CORIN: variants seen among roughly 807,000 people sequenced by gnomAD.
CORIN encodes the protein atrial natriuretic peptide-converting enzyme.
A neutral mutation model predicts 125.3 loss-of-function variants in CORIN; 117 were observed. That is an observed-to-expected ratio of 0.93 (90% CI 0.80 to 1.09). The LOEUF (loss-of-function observed/expected upper bound fraction) is 1.09. Among genes scored for constraint, CORIN ranks in the 50% least tolerant of loss-of-function variants. CORIN has a pLI of 0.00. For missense variants in CORIN, 1,253 were observed against 1,306.7 expected (o/e 0.96, Z 0.63); for synonymous variants, 450 against 466.4 (o/e 0.96, Z 0.45).
chr4:47,710,272 C>T (rs1054833423), intron 5 of CORIN, among the ~76,000 whole-genome samples: 5 of 152,172 alleles, frequency 3.3e-5, no homozygotes, highest in Non-Finnish European at 7.3e-5. Flanking sequence ...GTGAAAATAA[C>T]GTTCTTTTCC....
chr4:47,829,884 A>G (rs1196056933), intron 1 of CORIN, among the ~76,000 whole-genome samples: 3 of 152,346 alleles, frequency 2.0e-5, no homozygotes, highest in African/African-American at 7.2e-5. Context: ...AAATAGTCCA[A>G]CTACCTCATT....
At chr4:47,820,358 G>A (rs1732456508) in intron 1 of CORIN, among the ~76,000 whole-genome samples, 1 of 152,026 alleles carries the variant, frequency 6.6e-6, no homozygotes, top group East Asian at 1.9e-4. Context: ...CCTGAGAAAA[G>A]GCCTAGGTTA....
intron 1 of CORIN, among the ~76,000 whole-genome samples, chr4:47,816,430 A>T (rs1395607716): frequency 6.6e-6 from 1 of 152,194 alleles, no homozygotes; most frequent in African/African-American, 2.4e-5. Context: ...TTTATTCCAC[A>T]AATGCTTATG....
rs1448021710 is a variant in CORIN, at chr4:47,599,264, GC to G, written c.2946+949del. ...GTGGTCTCAGCGAAATGCCAAGGGA[GC>G]TGTCTGCCTCCCTCTTTCCCATGAC... is the stretch of plus-strand genomic sequence containing the variant. On this transcript the variant is annotated intron_variant, in intron 21 of 21. Transcript: ENST00000273857. Among the ~76,000 whole-genome samples, 180 of 152,202 alleles carry G rather than the reference GC, an allele frequency of 1.2e-3. 1 individual carries two copies. The highest frequency in any genetic ancestry group is 2.1e-3 in the Non-Finnish European group (144 of 68,018).
intron 2 of CORIN, among the ~76,000 whole-genome samples, chr4:47,804,151 T>C (rs1731664645): frequency 6.6e-6 from 1 of 152,076 alleles, no homozygotes; most frequent in Non-Finnish European, 1.5e-5. Flanking sequence ...AAAACTACAA[T>C]GAGATATTAC....
At chr4:47,649,596 A>G (rs949267674) in intron 13 of CORIN, among the ~76,000 whole-genome samples, 1 of 152,182 alleles carries the variant, frequency 6.6e-6, no homozygotes, top group African/African-American at 2.4e-5. Context: ...TCTGCATCTT[A>G]CCCAGAGAAG....
At chr4:47,793,032 G>A (rs1272382697) in intron 2 of CORIN, among the ~76,000 whole-genome samples, 1 of 152,048 alleles carries the variant, frequency 6.6e-6, no homozygotes, top group African/African-American at 2.4e-5. Flanking sequence ...GAAGCCTGTT[G>A]TTGTTGTTGT....
At chr4:47,643,064 A>G (rs1292869435) in intron 15 of CORIN, 82 bp downstream of exon 15, 6 of 1,605,478 alleles carry the variant, frequency 3.7e-6, no homozygotes, top group South Asian at 3.3e-5. Context: ...AGTAAAATCC[A>G]GGAAGTAATT....
intron 2 of CORIN, among the ~76,000 whole-genome samples, chr4:47,799,564 T>C (rs934103764): frequency 1.3e-5 from 2 of 152,196 alleles, no homozygotes; most frequent in Non-Finnish European, 2.9e-5. Context: ...ATGTTTATTT[T>C]GAGAAGCATC....
chr4:47,799,143 G>GTA (rs1298818662), intron 2 of CORIN, among the ~76,000 whole-genome samples: 16 of 151,030 alleles, frequency 1.1e-4, no homozygotes, highest in Non-Finnish European at 2.1e-4. Context: ...GTGTGTGTGT[G>GTA]TGTATGTCTC....
intron 16 of CORIN, 111 bp downstream of exon 16, chr4:47,641,809 G>C (rs1410140783): frequency 7.7e-7 from 1 of 1,301,436 alleles, no homozygotes; most frequent in Non-Finnish European, 1.1e-6. Context: ...GGTTTTGAAG[G>C]ACTCTTTGTT....
At chr4:47,777,918 G>C (rs1730369564) in intron 3 of CORIN, among the ~76,000 whole-genome samples, 1 of 152,144 alleles carries the variant, frequency 6.6e-6, no homozygotes, top group Non-Finnish European at 1.5e-5. Context: ...TCAACAAATT[G>C]AATAATTCAG....
At chr4:47,683,541 G>C (rs1364712945) in intron 7 of CORIN, 190 bp downstream of exon 7, 2 of 465,016 alleles carry the variant, frequency 4.3e-6, no homozygotes, top group East Asian at 3.5e-5. Context: ...TGATTTTTTA[G>C]GTATTACATT....
rs545305131 is a variant in CORIN at position 47,779,189 on chromosome 4, G to A, written c.409+7536C>T. On this transcript the variant is annotated intron_variant, in intron 3 of 21. Transcript: ENST00000273857. The stretch of plus-strand genomic sequence containing the variant: ...TATTATAAAATAATGGTTATAGGTC[G>A]AGCACAGAGGCTCACGCCTGTATTC... Among the ~76,000 whole-genome samples the A allele has an allele frequency of 4.6e-5, 7 of 152,254 alleles. No homozygotes were observed. The South Asian group carries it at 8.3e-4, about 18-fold the overall frequency.
intron 1 of CORIN, among the ~76,000 whole-genome samples, chr4:47,810,097 AT>A (rs1732001440): frequency 6.6e-6 from 1 of 152,074 alleles, no homozygotes; most frequent in Non-Finnish European, 1.5e-5. Context: ...ACCTGCACAT[AT>A]TTGTAAAGCA....
At chr4:47,725,516 T>C (rs1328049302) in intron 5 of CORIN, among the ~76,000 whole-genome samples, 1 of 151,978 alleles carries the variant, frequency 6.6e-6, no homozygotes, top group African/African-American at 2.4e-5. Flanking sequence ...AGCAATTTAA[T>C]AGGAGAAATA....
At chr4:47,827,921 C>T (rs993805942) in intron 1 of CORIN, among the ~76,000 whole-genome samples, 2 of 152,092 alleles carry the variant, frequency 1.3e-5, no homozygotes, top group Non-Finnish European at 1.5e-5. Context: ...GTAAGATGTT[C>T]GGATCTGACC....
chr4:47,820,993 T>C (rs1732485402), intron 1 of CORIN, among the ~76,000 whole-genome samples: 1 of 152,176 alleles, frequency 6.6e-6, no homozygotes, highest in Non-Finnish European at 1.5e-5. Context: ...TCCCAGCTCT[T>C]TGGGAGGATG....
At chr4:47,782,387 G>GAAAAA (rs1265689215) in intron 3 of CORIN, among the ~76,000 whole-genome samples, 2 of 61,544 alleles carry the variant, frequency 3.2e-5, no homozygotes, top group Admixed American at 1.7e-4. Flanking sequence ...TCCATCTCAA[G>GAAAAA]AAAAAAAAAA....
Sources: gnomAD v4.1 joint callset for allele counts (sites outside exome capture counted in the v4.1 genomes callset) on GRCh38, gnomAD v4.1.1 for gene constraint, MANE v1.5 for transcripts, NCBI Gene and HGNC (gene_info 2026-07-23, HGNC 2026-07-21) for gene names.